ANKIB1: variants seen among roughly 807,000 people sequenced by gnomAD.
The protein encoded by ANKIB1 is ankyrin repeat and IBR domain containing 1.
A neutral mutation model predicts 122.1 loss-of-function variants in ANKIB1; 43 were observed. The ratio of observed to expected loss-of-function variants is 0.35; its 90% CI spans 0.28 to 0.45. The LOEUF (loss-of-function observed/expected upper bound fraction) is 0.45. Ranked by LOEUF, ANKIB1 falls within the 20% of genes least tolerant of loss-of-function variation. The probability of loss-of-function intolerance (pLI) is 1.00; values close to 1 mark genes in which losing one functional copy is unlikely to be tolerated. For synonymous variants in ANKIB1, 390 were observed against 442.0 expected (o/e 0.88, Z 1.48); for missense variants, 992 against 1,329.5 (o/e 0.75, Z 3.95).
intron 10 of ANKIB1, among the ~76,000 whole-genome samples, chr7:92,363,421 A>G (rs1562793271): frequency 6.6e-6 from 1 of 152,168 alleles, no homozygotes; most frequent in Admixed American, 6.5e-5. Context: ...AAAAAAGAAA[A>G]AAAAAATCCA....
At chr7:92,301,551 A>G (rs986898935) in intron 2 of ANKIB1, among the ~76,000 whole-genome samples, 5 of 151,920 alleles carry the variant, frequency 3.3e-5, no homozygotes, top group African/African-American at 4.8e-5. Flanking sequence ...GTTTTGTGCT[A>G]TTGCATTTTA....
intron 2 of ANKIB1, among the ~76,000 whole-genome samples, chr7:92,306,833 T>C (rs1802572273): frequency 6.6e-6 from 1 of 152,216 alleles, no homozygotes; most frequent in Non-Finnish European, 1.5e-5. Flanking sequence ...TGGAGAAAAT[T>C]TTCTCTGGAT....
At position 92,370,963 on chromosome 7, in the gene ANKIB1, A is replaced by G. The variant is rs1804234396; in HGVS notation, c.1487-514A>G. ...AGAGGGTGTAATAAATGAGATGCTT[A>G]GTTTTAGATATGTCACATTGAATTA... is the stretch of plus-strand genomic sequence containing the variant. On this transcript the variant is annotated intron_variant, in intron 10 of 19. Transcript: ENST00000265742. Among the ~76,000 whole-genome samples the G allele has an allele frequency of 2.0e-5, 3 of 152,254 alleles. No individual in the cohort carries two copies. The South Asian group carries it at 6.2e-4, about 31-fold the overall frequency.
At chr7:92,290,220 T>G (rs1305348297) in intron 1 of ANKIB1, among the ~76,000 whole-genome samples, 6 of 152,234 alleles carry the variant, frequency 3.9e-5, no homozygotes. Flanking sequence ...GATTTCAACC[T>G]GGAGTGGGAT....
chr7:92,317,982 G>A (rs991125882), intron 3 of ANKIB1, among the ~76,000 whole-genome samples: 2 of 152,178 alleles, frequency 1.3e-5, no homozygotes, highest in East Asian at 1.9e-4. Context: ...ACCTACTTAC[G>A]AGTCAGTATA....
intron 1 of ANKIB1, among the ~76,000 whole-genome samples, chr7:92,261,305 C>T (rs532821571): frequency 2.7e-5 from 4 of 147,618 alleles, no homozygotes; most frequent in East Asian, 4.0e-4. Flanking sequence ...GCCGAGATCG[C>T]GCCACTGCAC....
chr7:92,357,460 C>T (rs1803840708), intron 9 of ANKIB1, among the ~76,000 whole-genome samples: 1 of 152,088 alleles, frequency 6.6e-6, no homozygotes. Context: ...TTAGGCCGGG[C>T]TCACTGGCTT....
At chr7:92,375,506 G>A (rs963426858) in intron 11 of ANKIB1, among the ~76,000 whole-genome samples, 17 of 152,114 alleles carry the variant, frequency 1.1e-4, no homozygotes, top group Admixed American at 9.2e-4. Context: ...TTGCTTATCC[G>A]TAAGAAACAA....
At chr7:92,364,012 C>T (rs1804012710) in intron 10 of ANKIB1, among the ~76,000 whole-genome samples, 1 of 152,034 alleles carries the variant, frequency 6.6e-6, no homozygotes, top group African/African-American at 2.4e-5. Flanking sequence ...ACCGTTTAGT[C>T]AACAGATTTT....
At chr7:92,324,377 GC>G (rs1802978532) in intron 4 of ANKIB1, among the ~76,000 whole-genome samples, 1 of 152,206 alleles carries the variant, frequency 6.6e-6, no homozygotes, top group Non-Finnish European at 1.5e-5. Context: ...GGGATTACAG[GC>G]GCCCACTGCC....
At chr7:92,387,472 C>T (rs1804682159) in intron 12 of ANKIB1, among the ~76,000 whole-genome samples, 1 of 151,938 alleles carries the variant, frequency 6.6e-6, no homozygotes, top group South Asian at 2.1e-4. Context: ...CCCATCTCTA[C>T]TAAAAATACA....
intron 4 of ANKIB1, among the ~76,000 whole-genome samples, chr7:92,320,255 T>A (rs1188936592): frequency 1.3e-5 from 2 of 152,218 alleles, no homozygotes; most frequent in South Asian, 2.1e-4. Flanking sequence ...CATCTTCTTA[T>A]GAGAGAACCA....
chr7:92,365,450 T>TC (rs1804050475), intron 10 of ANKIB1, among the ~76,000 whole-genome samples: 1 of 152,190 alleles, frequency 6.6e-6, no homozygotes, highest in African/African-American at 2.4e-5. Context: ...TGCAAATAAT[T>TC]CATACAATCA....
intron 2 of ANKIB1, among the ~76,000 whole-genome samples, chr7:92,300,126 T>C (rs533866056): frequency 6.6e-6 from 1 of 152,308 alleles, no homozygotes; most frequent in East Asian, 1.9e-4. Context: ...TTTAAAATCG[T>C]ATAAGGGTCT....
Position 92,398,477 on chromosome 7 carries a change from C to T in ANKIB1, c.2798C>T (p.Ser933Leu). 6.2e-7 allele frequency: 1 copy of T among 1,613,952 alleles called. No homozygotes were observed. The highest frequency in any genetic ancestry group is 8.5e-7 in the Non-Finnish European group (1 of 1,179,870). ...MRLGAENDPF[S>L]TDTLSSHPLS... ...CTAGGAGCAGAGAATGACCCATTTT[C>T]AACTGACACCCTGAGCTCACACCCT... Residue 933 changes from serine (S) to leucine (L), a missense_variant, in exon 20 of 20, where the codon TCA (serine) becomes TTA (leucine). Ser to Leu is a moderately radical substitution (Grantham distance 145). This residue lies in a region of ANKIB1 where 384 missense variants were observed against 412.0 expected (regional missense o/e 0.93). Transcript: ENST00000265742.
chr7:92,371,175 CT>C (rs34197906), intron 10 of ANKIB1, among the ~76,000 whole-genome samples: 61,648 of 145,932 alleles, frequency 0.42, 12,879 homozygotes, highest in East Asian at 0.54. Flanking sequence ...TAATATGTTG[CT>C]TTTTTTTTTT....
At chr7:92,347,280 TTTTTG>T (rs1562788810) in intron 7 of ANKIB1, among the ~76,000 whole-genome samples, 1 of 152,040 alleles carries the variant, frequency 6.6e-6, no homozygotes, top group Non-Finnish European at 1.5e-5. Context: ...TATGAGTTTT[TTTTTG>T]TTTTGTTTTT....
chr7:92,371,388 C>G, intron 10 of ANKIB1, 89 bp from the exon 11 acceptor site: 1 of 1,120,316 alleles, frequency 8.9e-7, no homozygotes. Flanking sequence ...GAGAGACAGC[C>G]TGCAAAGAAA....
At chr7:92,283,308 T>C (rs899039419) in intron 1 of ANKIB1, among the ~76,000 whole-genome samples, 1 of 152,188 alleles carries the variant, frequency 6.6e-6, no homozygotes. Flanking sequence ...GTTAAAATAT[T>C]TTTCTCAGCT....
Sources: allele counts gnomAD v4.1 joint callset (sites outside exome capture counted in the v4.1 genomes callset), GRCh38; gene constraint gnomAD v4.1.1; regional missense constraint gnomAD v4.1.1; transcripts MANE v1.5; gene names NCBI Gene and HGNC (gene_info 2026-07-23, HGNC 2026-07-21).